DYSF: variants seen among roughly 807,000 people sequenced by gnomAD.
DYSF encodes the protein dysferlin.
A neutral mutation model predicts 274.9 loss-of-function variants in DYSF; 212 were observed. The ratio of observed to expected loss-of-function variants is 0.77; its 90% CI spans 0.69 to 0.86. The LOEUF (loss-of-function observed/expected upper bound fraction) is 0.86. Among genes scored for constraint, DYSF ranks in the 40% least tolerant of loss-of-function variants. DYSF has a pLI of 0.00. For missense variants in DYSF, 2,666 were observed against 2,783.2 expected (o/e 0.96, Z 0.95); for synonymous variants, 1,091 against 1,078.7 (o/e 1.01, Z -0.22).
chr2:71,685,856 AGT>A (rs1455225756), intron 55 of DYSF, among the ~76,000 whole-genome samples: 1 of 152,036 alleles, frequency 6.6e-6, no homozygotes, highest in Non-Finnish European at 1.5e-5. Flanking sequence ...TGGGGGGAGA[AGT>A]GGGGAGGGGA....
intron 14 of DYSF, among the ~76,000 whole-genome samples, chr2:71,532,392 T>C (rs934432799): frequency 3.9e-5 from 6 of 151,938 alleles, no homozygotes; most frequent in African/African-American, 1.2e-4. Flanking sequence ...TAATACTCCA[T>C]TGGGTAGTGA....
chr2:71,609,859 G>A (rs573141845), intron 36 of DYSF, among the ~76,000 whole-genome samples: 1 of 152,192 alleles, frequency 6.6e-6, no homozygotes, highest in Non-Finnish European at 1.5e-5. Flanking sequence ...CAGAGCGTCT[G>A]TATGGATGTA....
At chr2:71,594,131 C>G (rs2093345448) in intron 32 of DYSF, among the ~76,000 whole-genome samples, 1 of 152,178 alleles carries the variant, frequency 6.6e-6, no homozygotes, top group Non-Finnish European at 1.5e-5. Flanking sequence ...ACAGCTGGGG[C>G]CACGTCTTGA....
At chr2:71,538,869 G>A (rs1008285418) in intron 16 of DYSF, among the ~76,000 whole-genome samples, 4 of 152,290 alleles carry the variant, frequency 2.6e-5, no homozygotes, top group Admixed American at 1.3e-4. Flanking sequence ...CTGCAGATGC[G>A]TCTGTAGAGA....
At chr2:71,496,069 G>A (rs2084360633) in intron 3 of DYSF, among the ~76,000 whole-genome samples, 1 of 151,884 alleles carries the variant, frequency 6.6e-6, no homozygotes, top group South Asian at 2.1e-4. Context: ...CTGCCTTCAA[G>A]GCCACCTCCT....
chr2:71,668,890 G>A (rs370025846), intron 49 of DYSF, 48 bp downstream of exon 49: 437 of 1,574,708 alleles, frequency 2.8e-4, no homozygotes, highest in Non-Finnish European at 3.6e-4. Context: ...GGGTGGGGGC[G>A]TTGCAGCCTG....
At position 71,497,941 on chromosome 2, in the gene DYSF, A is replaced by G. The variant is rs919712835; in HGVS notation, c.240-5273A>G. ...AAGACCTTCTTCTGGAGCCTCAGTAAATTTACTTAATCTAGGTGGGTCTAG... is the reference window on the plus strand; with the variant it reads ...AAGACCTTCTTCTGGAGCCTCAGTAGATTTACTTAATCTAGGTGGGTCTAG... On this transcript the variant is annotated intron_variant, in intron 3 of 55. Coordinates refer to ENST00000410020, the MANE Select transcript of DYSF (RefSeq NM_001130987.2). Among the ~76,000 whole-genome samples, 39 of 152,206 alleles carry G rather than the reference A, an allele frequency of 2.6e-4. 1 individual carries two copies. The Middle Eastern group carries it at 0.01, about 40-fold the overall frequency.
intron 40 of DYSF, among the ~76,000 whole-genome samples, chr2:71,613,866 T>C (rs932908535): frequency 2.0e-5 from 3 of 152,112 alleles, no homozygotes; most frequent in African/African-American, 7.2e-5. Context: ...TGGAGACAGC[T>C]TAGAAAGAAG....
intron 16 of DYSF, among the ~76,000 whole-genome samples, chr2:71,537,220 TTTG>T (rs1450441611): frequency 0.01 from 1,256 of 120,142 alleles, 67 homozygotes; most frequent in African/African-American, 0.045. Flanking sequence ...ACTTTCTAGT[TTTG>T]TTTTTTTTTT....
chr2:71,490,271 C>T (rs1053479364), intron 3 of DYSF, among the ~76,000 whole-genome samples: 9 of 152,212 alleles, frequency 5.9e-5, no homozygotes, highest in Non-Finnish European at 1.2e-4. Flanking sequence ...AGTACAAGTT[C>T]TCCCATCTTC....
chr2:71,544,418 TAGA>T lies in DYSF; in HGVS notation c.1576+5183_1576+5185del, dbSNP rs2090291784. Among the ~76,000 whole-genome samples the T allele has an allele frequency of 2.6e-5, 4 of 151,860 alleles. No individual in the cohort carries two copies. The South Asian group carries it at 8.3e-4, about 31-fold the overall frequency. ...AGGAGACCTCTAGGAGTTCTTCTCCTAGAAGAGGAGACTGGAGGAGATACCATT... is the reference window on the plus strand; with the variant it reads ...AGGAGACCTCTAGGAGTTCTTCTCCTAGAGGAGACTGGAGGAGATACCATT... On this transcript the variant is annotated intron_variant, in intron 17 of 55. Transcript: ENST00000410020.
rs145109612 is a variant in DYSF, at chr2:71,528,625, C to T, written c.1380+224C>T. On this transcript the variant is annotated intron_variant, in intron 14 of 55. Transcript: ENST00000410020. ...TCTGCCTGGGGGTGTCCCAGACAGACACATAGATGTGGATGGCCCAGGAGA... is the reference window on the plus strand; with the variant it reads ...TCTGCCTGGGGGTGTCCCAGACAGATACATAGATGTGGATGGCCCAGGAGA... 1.9e-3 allele frequency among the ~76,000 whole-genome samples: 292 copies of T among 152,146 alleles called. 2 individuals are homozygous for T. The highest frequency in any genetic ancestry group is 6.8e-3 in the African/African-American group (282 of 41,492).
At position 71,660,578 on chromosome 2, in the gene DYSF, A is replaced by G; in HGVS notation, c.4930A>G (p.Ile1644Val). Reference sequence around the variant, plus strand: ...CCTCCAGTGTGATCCTTACATCAAGATCTCCATAGGGAAGAAATCAGTGAG... The same window carrying G: ...CCTCCAGTGTGATCCTTACATCAAGGTCTCCATAGGGAAGAAATCAGTGAG... ...PNGKCDPYIKISIGKKSVSDQ... is the reference protein window; with the variant it reads ...PNGKCDPYIKVSIGKKSVSDQ... The change falls in exon 45 of 56, where the codon ATC becomes GTC. Residue 1644 changes from isoleucine (I) to valine (V), a missense_variant. By Grantham distance (29) the Ile-to-Val change is conservative. Coordinates refer to ENST00000410020, the MANE Select transcript of DYSF (RefSeq NM_001130987.2). The G allele has an allele frequency of 6.2e-7, 1 of 1,614,080 alleles. No homozygotes were observed. The highest frequency in any genetic ancestry group is 1.3e-5 in the African/African-American group (1 of 75,046).
chr2:71,529,469 T>C (rs1190825556), intron 14 of DYSF, among the ~76,000 whole-genome samples: 1 of 152,228 alleles, frequency 6.6e-6, no homozygotes, highest in Non-Finnish European at 1.5e-5. Context: ...AAGTTAGGTC[T>C]AGAGACTCCA....
chr2:71,562,107 T>C (rs997153722), intron 23 of DYSF, among the ~76,000 whole-genome samples, 163 bp downstream of exon 23: 4 of 152,148 alleles, frequency 2.6e-5, no homozygotes, highest in Non-Finnish European at 5.9e-5. Flanking sequence ...ATGGACCAAT[T>C]TGCAGAAGGA....
At chr2:71,664,246 C>A (rs756926505) in intron 45 of DYSF, 22 bp from the exon 46 acceptor site, 2 of 1,613,554 alleles carry the variant, frequency 1.2e-6, no homozygotes, top group Admixed American at 1.7e-5. Flanking sequence ...TGGCTGACAT[C>A]GGGAATCTGC....
intron 30 of DYSF, among the ~76,000 whole-genome samples, chr2:71,582,452 T>C (rs1355656509): frequency 6.6e-6 from 1 of 152,214 alleles, no homozygotes; most frequent in Non-Finnish European, 1.5e-5. Context: ...CAAGTAGTAA[T>C]TGTTTAGCTG....
intron 1 of DYSF, among the ~76,000 whole-genome samples, chr2:71,478,315 C>A (rs2082568490): frequency 6.6e-6 from 1 of 151,680 alleles, no homozygotes; most frequent in Non-Finnish European, 1.5e-5. Context: ...GGGTTCACGC[C>A]ATTCTCCTGC....
At position 71,613,372 on chromosome 2, in the gene DYSF, A is replaced by G. The variant is rs1298541762; in HGVS notation, c.4426A>G (p.Ile1476Val). 1.2e-6 allele frequency: 2 copies of G among 1,613,650 alleles called. No homozygotes were observed. Among genetic ancestry groups the G allele is most frequent in the Non-Finnish European group, 1.7e-6 (2 of 1,179,866 alleles). Reference sequence around the variant, plus strand: ...ACTCAGTCCTGGGGAAGACGTGCTCATCGACATTGATGACAAGGAGCCCCT... The same window carrying G: ...ACTCAGTCCTGGGGAAGACGTGCTCGTCGACATTGATGACAAGGAGCCCCT... ...SLLSPGEDVL[I>V]DIDDKEPLIP... is the part of the protein sequence containing the mutation. The change falls in exon 40 of 56, where the codon ATC (isoleucine) becomes GTC (valine). Residue 1476 changes from isoleucine (I) to valine (V), a missense_variant. By Grantham distance (29) the Ile-to-Val change is conservative. Transcript: ENST00000410020.
Sources: allele counts gnomAD v4.1 joint callset (sites outside exome capture counted in the v4.1 genomes callset), GRCh38; gene constraint gnomAD v4.1.1; transcripts MANE v1.5; gene names NCBI Gene and HGNC (gene_info 2026-07-23, HGNC 2026-07-21).